The following TLN2 variants were observed in gnomAD, a reference collection of about 807,000 sequenced individuals.
The protein encoded by TLN2 is talin-2.
Under a neutral mutation model 294.7 loss-of-function variants are expected in TLN2, and 118 were observed. That is an observed-to-expected ratio of 0.40 (90% CI 0.34 to 0.47). TLN2 has a LOEUF of 0.47. Ranked by LOEUF, TLN2 falls within the 20% of genes least tolerant of loss-of-function variation. The pLI, the probability that TLN2 is intolerant of heterozygous loss-of-function variation, is 0.84. For synonymous variants in TLN2, 1,431 were observed against 1,304.5 expected (o/e 1.10, Z -2.09); for missense variants, 3,083 against 3,282.2 (o/e 0.94, Z 1.48).
In TLN2 at chr15:62,657,884, A is replaced by G; in HGVS notation, c.774A>G (p.Lys258=). 6.2e-7 allele frequency: 1 copy of G among 1,611,748 alleles called. No individual in the cohort carries two copies. The highest frequency in any genetic ancestry group is 8.5e-7 in the Non-Finnish European group (1 of 1,179,220). Residue 258 remains lysine, a synonymous_variant, in exon 9 of 59, where the codon AAA becomes AAG. Transcript: ENST00000636159. The part of the protein sequence containing the change: ...QFGPHVEHKH[K]PGFLDLKEFL... Reference sequence around the variant, plus strand: ...GACCTCATGTGGAACATAAACACAAACCTGGATTTTTAGAGTAAATGACAT... The same window carrying G: ...GACCTCATGTGGAACATAAACACAAGCCTGGATTTTTAGAGTAAATGACAT...
At chr15:62,596,653 G>T (rs1185394317) in intron 2 of TLN2, among the ~76,000 whole-genome samples, 2 of 151,978 alleles carry the variant, frequency 1.3e-5, no homozygotes, top group Non-Finnish European at 2.9e-5. Flanking sequence ...CACGCGAATG[G>T]CTTGAACTTG....
chr15:62,725,010 C>T lies in TLN2; in HGVS notation c.3161C>T (p.Ser1054Leu). Reference sequence around the variant, plus strand: ...GCTTGTGGTCCGATGGAAATCGATTCAGCTCTGAATACGGTGCAGACGCTT... The same window carrying T: ...GCTTGTGGTCCGATGGAAATCGATTTAGCTCTGAATACGGTGCAGACGCTT... ...HEACGPMEID[S>L]ALNTVQTLKN... Residue 1054 changes from serine to leucine, a missense_variant, in exon 27 of 59, where the codon TCA (serine) becomes TTA (leucine). By Grantham distance (145) the Ser-to-Leu change is moderately radical. Transcript: ENST00000636159. 1.2e-6 allele frequency: 2 copies of T among 1,613,184 alleles called. No individual in the cohort carries two copies. The highest frequency in any genetic ancestry group is 1.1e-5 in the South Asian group (1 of 90,968).
At chr15:62,682,749 A>G (rs2056947256) in intron 11 of TLN2, among the ~76,000 whole-genome samples, 1 of 152,142 alleles carries the variant, frequency 6.6e-6, no homozygotes, top group Non-Finnish European at 1.5e-5. Context: ...CCCACAAGCA[A>G]CAGTAAGGCA....
At chr15:62,836,414 C>A (rs529114632) in intron 57 of TLN2, among the ~76,000 whole-genome samples, 1 of 152,214 alleles carries the variant, frequency 6.6e-6, no homozygotes, top group Non-Finnish European at 1.5e-5. Flanking sequence ...TTGAGAGCCC[C>A]TAGCCAGACC....
At chr15:62,453,370 G>A (rs191586128) in intron 1 of TLN2, among the ~76,000 whole-genome samples, 12 of 152,012 alleles carry the variant, frequency 7.9e-5, no homozygotes, top group Admixed American at 5.2e-4. Flanking sequence ...GCTAGTACTG[G>A]CTAATGAGAA....
chr15:62,559,713 C>G (rs1443998603), intron 1 of TLN2, among the ~76,000 whole-genome samples: 1 of 152,164 alleles, frequency 6.6e-6, no homozygotes, highest in African/African-American at 2.4e-5. Flanking sequence ...AAGGAAGTTT[C>G]CTGTATGCTT....
intron 1 of TLN2, among the ~76,000 whole-genome samples, chr15:62,427,867 C>G (rs1160219688): frequency 6.6e-6 from 1 of 152,184 alleles, no homozygotes; most frequent in Non-Finnish European, 1.5e-5. Context: ...CAGCTTCTTA[C>G]CTGAAAACTG....
chr15:62,518,549 GA>G (rs2040298189), intron 1 of TLN2, among the ~76,000 whole-genome samples: 1 of 151,954 alleles, frequency 6.6e-6, no homozygotes, highest in Non-Finnish European at 1.5e-5. Context: ...AAATGGGCTA[GA>G]ACATGCAAAA....
At chr15:62,508,736 T>G (rs980346132) in intron 1 of TLN2, among the ~76,000 whole-genome samples, 1 of 152,202 alleles carries the variant, frequency 6.6e-6, no homozygotes, top group Non-Finnish European at 1.5e-5. Context: ...TGGGCCAAAC[T>G]TTGAGTTGAA....
chr15:62,429,962 C>T lies in TLN2; in HGVS notation c.-238+39277C>T, dbSNP rs74019763. Among the ~76,000 whole-genome samples, 769 of 152,302 alleles carry T rather than the reference C, an allele frequency of 5.0e-3. 7 individuals are homozygous for T. Among genetic ancestry groups the T allele is most frequent in the African/African-American group, 0.018 (747 of 41,564 alleles). ...TACATAACCGATATAAATGCGGAGA[C>T]TTCCTGAGAGACCTGGCCCGAACTG... On this transcript the variant is annotated intron_variant, in intron 1 of 58. Coordinates refer to ENST00000636159, the MANE Select transcript of TLN2 (RefSeq NM_015059.3).
Position 62,841,185 on chromosome 15 carries a change from T to A in TLN2, c.*575T>A, listed in dbSNP as rs1050549006. 1 of 152,850 alleles carries A rather than the reference T, an allele frequency of 6.5e-6. No homozygotes were observed. The highest frequency in any genetic ancestry group is 2.4e-5 in the African/African-American group (1 of 41,466). 9.5% of individuals were successfully genotyped at this position (152,850 alleles called of 1,614,324 possible). ...TTCCCGCCCCTGTTTGCACGCTTTCTTGCCTCCGTGTGTAAGCTCCTTGTA... is the reference window on the plus strand; with the variant it reads ...TTCCCGCCCCTGTTTGCACGCTTTCATGCCTCCGTGTGTAAGCTCCTTGTA... On this transcript the variant is annotated 3_prime_UTR_variant, in exon 59 of 59. Transcript: ENST00000636159.
chr15:62,556,001 C>G (rs569928367), intron 1 of TLN2, among the ~76,000 whole-genome samples: 1 of 125,702 alleles, frequency 8.0e-6, no homozygotes, highest in East Asian at 2.3e-4. Flanking sequence ...GATTAGTTTT[C>G]TGAGTTGAGA....
chr15:62,524,328 C>CT (rs1276033264), intron 1 of TLN2, among the ~76,000 whole-genome samples: 1 of 152,160 alleles, frequency 6.6e-6, no homozygotes. Context: ...ATTTTATACT[C>CT]TGAGTTTTTC....
chr15:62,442,492 CAGAAAAAAAA>C (rs1297456486), intron 1 of TLN2, among the ~76,000 whole-genome samples: 12 of 65,556 alleles, frequency 1.8e-4, no homozygotes, highest in African/African-American at 4.7e-4. Flanking sequence ...GACTCTGTCT[CAGAAAAAAAA>C]AAAAAAAAAA....
intron 1 of TLN2, among the ~76,000 whole-genome samples, chr15:62,396,718 CT>C (rs371686423): frequency 3.3e-3 from 476 of 144,856 alleles, no homozygotes; most frequent in Middle Eastern, 3.5e-3. Context: ...AGAAGGCTTT[CT>C]TTTTTTTTTT....
At position 62,406,900 on chromosome 15, in the gene TLN2, G is replaced by T. The variant is rs537721468; in HGVS notation, c.-238+16215G>T. Among the ~76,000 whole-genome samples the T allele has an allele frequency of 4.6e-5, 7 of 152,266 alleles. No homozygotes were observed. In the South Asian group the frequency reaches 1.5e-3, roughly 32 times the overall value. On this transcript the variant is annotated intron_variant, in intron 1 of 58. Coordinates refer to ENST00000636159, the MANE Select transcript of TLN2 (RefSeq NM_015059.3). ...ATTTCAACTTGATTCTCTCTGTAAA[G>T]ACCCTATCTCCAAATAAGGTCCCAT...
Position 62,674,628 on chromosome 15 carries a change from A to G in TLN2, c.853-589A>G, listed in dbSNP as rs1394242401. On this transcript the variant is annotated intron_variant, in intron 10 of 58. Coordinates refer to ENST00000636159, the MANE Select transcript of TLN2 (RefSeq NM_015059.3). ...GTGATTCTTGTGCCTCAGCCTACCAAGTAGCTGGGATGACAGGCATGTGCC... is the reference window on the plus strand; with the variant it reads ...GTGATTCTTGTGCCTCAGCCTACCAGGTAGCTGGGATGACAGGCATGTGCC... Among the ~76,000 whole-genome samples, 3 of 150,800 alleles carry G rather than the reference A, an allele frequency of 2.0e-5. No homozygotes were observed. The South Asian group carries it at 6.3e-4, about 32-fold the overall frequency.
intron 1 of TLN2, among the ~76,000 whole-genome samples, chr15:62,524,850 A>C (rs1379518875): frequency 1.3e-5 from 2 of 152,186 alleles, no homozygotes. Context: ...TCCCCCAACA[A>C]ATGAATAGAA....
At chr15:62,780,047 G>A (rs749462334) in intron 43 of TLN2, among the ~76,000 whole-genome samples, 2 of 152,146 alleles carry the variant, frequency 1.3e-5, no homozygotes, top group African/African-American at 2.4e-5. Context: ...TCTCAAATAC[G>A]TCATTGCTTA....
Sources: allele counts gnomAD v4.1 joint callset (sites outside exome capture counted in the v4.1 genomes callset), GRCh38; gene constraint gnomAD v4.1.1; transcripts MANE v1.5; gene names NCBI Gene and HGNC (gene_info 2026-07-23, HGNC 2026-07-21).